EPN2: variants seen among roughly 807,000 people sequenced by gnomAD.
EPN2 encodes the protein epsin 2, also known as epsin-2.
Under a neutral mutation model 61.7 loss-of-function variants are expected in EPN2, and 34 were observed. That is an observed-to-expected ratio of 0.55 (90% CI 0.42 to 0.73). The LOEUF (loss-of-function observed/expected upper bound fraction) is 0.73. Ranked by LOEUF, EPN2 falls within the 30% of genes least tolerant of loss-of-function variation. EPN2 has a pLI of 0.00. For synonymous variants in EPN2, 349 were observed against 353.6 expected (o/e 0.99, Z 0.15); for missense variants, 714 against 839.2 (o/e 0.85, Z 1.84).
Position 19,334,302 on chromosome 17 carries a change from A to G in EPN2, c.*48A>G. 1 of 1,351,732 alleles carries G rather than the reference A, an allele frequency of 7.4e-7. No individual in the cohort carries two copies. The allele number at this position is 1,351,732 out of a possible 1,614,324, so 83.7% of individuals were successfully genotyped here. A position where few individuals can be genotyped will look rare whatever the true frequency, so the allele number is the denominator to read the frequency against. ...AGAGCACCTGTGCTGGAGGATGCCGAGCAGGGACTCTCGTCTGTGGGACGG... is the reference window on the plus strand; with the variant it reads ...AGAGCACCTGTGCTGGAGGATGCCGGGCAGGGACTCTCGTCTGTGGGACGG... On this transcript the variant is annotated 3_prime_UTR_variant, in exon 11 of 11. Transcript: ENST00000314728. The surrounding 1 kb of genome is among the most constrained non-coding windows in gnomAD (Gnocchi z 4.9).
At position 19,334,339 on chromosome 17, in the gene EPN2, T is replaced by C; in HGVS notation, c.*85T>C. 8.2e-7 allele frequency: 1 copy of C among 1,220,628 alleles called. No individual in the cohort carries two copies. The highest frequency in any genetic ancestry group is 2.3e-5 in the South Asian group (1 of 43,760). 75.6% of individuals were successfully genotyped at this position (1,220,628 alleles called of 1,614,324 possible). A position where few individuals can be genotyped will look rare whatever the true frequency, so the allele number is the denominator to read the frequency against. On this transcript the variant is annotated 3_prime_UTR_variant, in exon 11 of 11. Coordinates refer to ENST00000314728, the MANE Select transcript of EPN2 (RefSeq NM_014964.5). This position sits in a 1 kb window ranked among gnomAD's most constrained non-coding sequence, Gnocchi z 4.9. Reference sequence around the variant, plus strand: ...CGTCTGTGGGACGGGATCCAAGAGTTTGGGGATTAGGGGTATTAGGGCTTT... The same window carrying C: ...CGTCTGTGGGACGGGATCCAAGAGTCTGGGGATTAGGGGTATTAGGGCTTT...
intron 1 of EPN2, among the ~76,000 whole-genome samples, chr17:19,281,076 C>T (rs931967614): frequency 2.6e-5 from 4 of 152,234 alleles, no homozygotes; most frequent in African/African-American, 9.6e-5. Flanking sequence ...TGCCATACCT[C>T]AGTGCCACCG....
At chr17:19,255,565 T>TG (rs2045067653) in intron 1 of EPN2, among the ~76,000 whole-genome samples, 1 of 148,296 alleles carries the variant, frequency 6.7e-6, no homozygotes, top group Admixed American at 6.7e-5. Flanking sequence ...GGAGAGTTTT[T>TG]TTTTTTTTTT....
chr17:19,302,039 C>T (rs1463115900), intron 4 of EPN2, among the ~76,000 whole-genome samples: 1 of 152,250 alleles, frequency 6.6e-6, no homozygotes, highest in Non-Finnish European at 1.5e-5. Context: ...TTTACCCTCT[C>T]TGGGCCCCGG....
chr17:19,332,221 ATGGGG>A (rs1271801102), intron 10 of EPN2, among the ~76,000 whole-genome samples, 153 bp downstream of exon 10: 3 of 152,000 alleles, frequency 2.0e-5, no homozygotes, highest in African/African-American at 7.3e-5. Flanking sequence ...CCAGTGCTGC[ATGGGG>A]TGGGGTGTGG....
chr17:19,336,063 GC>G lies in EPN2; in HGVS notation c.*1810del, dbSNP rs1462145763. On this transcript the variant is annotated 3_prime_UTR_variant, in exon 11 of 11. Coordinates refer to ENST00000314728, the MANE Select transcript of EPN2 (RefSeq NM_014964.5). The stretch of plus-strand genomic sequence containing the variant: ...AGAGATCTTAAATGGTCTCTGGGCT[GC>G]TGGGACATGCAGGCTCTGAGTGGGG... 1 of 152,306 alleles carries G rather than the reference GC, an allele frequency of 6.6e-6. No individual in the cohort carries two copies. The highest frequency in any genetic ancestry group is 1.5e-5 in the Non-Finnish European group (1 of 68,120). The allele number at this position is 152,306 out of a possible 1,614,324, so 9.4% of individuals were successfully genotyped here.
chr17:19,322,161 A>G (rs1414993942), intron 7 of EPN2, among the ~76,000 whole-genome samples: 1 of 152,196 alleles, frequency 6.6e-6, no homozygotes, highest in East Asian at 1.9e-4. Context: ...TTCTGGATGG[A>G]AACAGTTATT....
intron 1 of EPN2, among the ~76,000 whole-genome samples, chr17:19,276,133 G>A (rs1488156752): frequency 2.6e-5 from 4 of 152,144 alleles, no homozygotes; most frequent in Admixed American, 1.3e-4. Flanking sequence ...TGGGGTGGTG[G>A]CCAGGAGCTT....
chr17:19,329,073 C>T lies in EPN2; in HGVS notation c.1324+186C>T, dbSNP rs564962783. The T allele has an allele frequency of 9.0e-6, 5 of 554,474 alleles. No homozygotes were observed. In the South Asian group the frequency reaches 1.4e-4, roughly 15 times the overall value. 34.3% of individuals were successfully genotyped at this position (554,474 alleles called of 1,614,324 possible). A position where few individuals can be genotyped will look rare whatever the true frequency, so the allele number is the denominator to read the frequency against. On this transcript the variant is annotated intron_variant, in intron 8 of 10. Coordinates refer to ENST00000314728, the MANE Select transcript of EPN2 (RefSeq NM_014964.5). Reference sequence around the variant, plus strand: ...GTGTGAGAGTGAGTGAGTGCGAGTTCCCAGGCTTTGTGCGCTGGTACCTCC... The same window carrying T: ...GTGTGAGAGTGAGTGAGTGCGAGTTTCCAGGCTTTGTGCGCTGGTACCTCC...
chr17:19,299,935 T>G (rs1905394261), intron 4 of EPN2, among the ~76,000 whole-genome samples: 1 of 152,202 alleles, frequency 6.6e-6, no homozygotes, highest in Admixed American at 6.5e-5. Context: ...AACTTGACCA[T>G]TATCTGATGG....
intron 4 of EPN2, among the ~76,000 whole-genome samples, chr17:19,286,921 C>G (rs192082849): frequency 4.6e-5 from 7 of 152,078 alleles, no homozygotes; most frequent in Non-Finnish European, 5.9e-5. Flanking sequence ...CCCATTTCAC[C>G]CCCCCAGATA....
intron 1 of EPN2, among the ~76,000 whole-genome samples, chr17:19,249,190 T>G (rs2094070488): frequency 1.3e-5 from 2 of 152,134 alleles, no homozygotes; most frequent in South Asian, 2.1e-4. Context: ...AGCATCTCTG[T>G]GCTGGTGAAA....
intron 7 of EPN2, among the ~76,000 whole-genome samples, chr17:19,321,859 A>C (rs1906652467): frequency 6.6e-6 from 1 of 152,070 alleles, no homozygotes; most frequent in African/African-American, 2.4e-5. Context: ...TCCTGAAGTC[A>C]CACCACAGCT....
intron 1 of EPN2, among the ~76,000 whole-genome samples, chr17:19,260,030 T>C (rs2045123973): frequency 6.6e-6 from 1 of 152,196 alleles, no homozygotes. Context: ...TAGGATTATG[T>C]TTCCACACTC....
intron 1 of EPN2, among the ~76,000 whole-genome samples, chr17:19,245,945 G>A (rs953072963): frequency 6.6e-6 from 1 of 152,056 alleles, no homozygotes; most frequent in South Asian, 2.1e-4. Flanking sequence ...GATTACAGGC[G>A]TGAGCCACCA....
chr17:19,291,427 ATTTTTTTTTTT>A (rs60753158), intron 4 of EPN2, among the ~76,000 whole-genome samples: 2 of 69,838 alleles, frequency 2.9e-5, no homozygotes, highest in South Asian at 6.0e-4. Flanking sequence ...TCAGCCATTC[ATTTTTTTTTTT>A]TTTTTTTTTT....
intron 9 of EPN2, 88 bp downstream of exon 9, chr17:19,329,735 C>A: frequency 1.3e-6 from 1 of 751,388 alleles, no homozygotes; most frequent in Non-Finnish European, 2.2e-6. Flanking sequence ...TTTCAAAACC[C>A]TTCAGCTTCC....
chr17:19,261,720 C>G (rs955718488), intron 1 of EPN2, among the ~76,000 whole-genome samples: 1 of 152,194 alleles, frequency 6.6e-6, no homozygotes, highest in Non-Finnish European at 1.5e-5. Flanking sequence ...TCAGGATGGG[C>G]TACATGATGT....
chr17:19,285,812 T>C lies in EPN2; in HGVS notation c.766+22T>C, dbSNP rs1567854627. On this transcript the variant is annotated intron_variant, in intron 4 of 10. Transcript: ENST00000314728. This position sits in a 1 kb window ranked among gnomAD's most constrained non-coding sequence, Gnocchi z 4.5. ...CGAGGTGGGACGGCGGTTTGCTTTT[T>C]TCCTTACTAGAAATGCTGGGCAGCT... 6.4e-7 allele frequency: 1 copy of C among 1,552,088 alleles called. No individual in the cohort carries two copies. Among genetic ancestry groups the C allele is most frequent in the East Asian group, 2.3e-5 (1 of 42,566 alleles).
Sources: gnomAD v4.1 joint callset for allele counts (sites outside exome capture counted in the v4.1 genomes callset) on GRCh38, gnomAD v4.1.1 for gene constraint, Gnocchi (gnomAD v3.1) non-coding constraint, MANE v1.5 for transcripts, NCBI Gene and HGNC (gene_info 2026-07-23, HGNC 2026-07-21) for gene names.